TMEM132D: variants seen among roughly 807,000 people sequenced by gnomAD.
The protein encoded by TMEM132D is transmembrane protein 132D, also known as mature OL transmembrane protein.
Under a neutral mutation model 62.3 loss-of-function variants are expected in TMEM132D, and 21 were observed. The observed-to-expected ratio is 0.34, with a 90% CI of 0.24 to 0.49. TMEM132D has a LOEUF of 0.49. TMEM132D is among the 20% of genes least tolerant of loss of function. The pLI is 0.99. For synonymous variants in TMEM132D, 621 were observed against 575.6 expected (o/e 1.08, Z -1.13); for missense variants, 1,346 against 1,402.8 (o/e 0.96, Z 0.65).
At chr12:129,725,575 G>A (rs548622146) in intron 1 of TMEM132D, among the ~76,000 whole-genome samples, 3 of 152,218 alleles carry the variant, frequency 2.0e-5, no homozygotes, top group Non-Finnish European at 2.9e-5. Context: ...ACCTTCATGG[G>A]ACTTACACTG....
rs188224842 is a variant in TMEM132D, at chr12:129,254,521, A to G, written c.1300-44858T>C. 6.6e-5 allele frequency among the ~76,000 whole-genome samples: 10 copies of G among 152,246 alleles called. No homozygotes were observed. The East Asian group carries it at 1.9e-3, about 29-fold the overall frequency. On this transcript the variant is annotated intron_variant, in intron 4 of 8. Transcript: ENST00000422113. ...CCTCTAAGCCTCAGATCCCTCAGTA[A>G]TCAAATGGGGATAAATATGAGTATC...
intron 1 of TMEM132D, among the ~76,000 whole-genome samples, chr12:129,728,555 T>A (rs961345787): frequency 2.0e-5 from 3 of 152,096 alleles, no homozygotes; most frequent in African/African-American, 7.2e-5. Context: ...AGGGCGTGAG[T>A]CTCATTTAGA....
intron 1 of TMEM132D, among the ~76,000 whole-genome samples, chr12:129,765,294 C>T (rs541406655): frequency 1.8e-4 from 27 of 152,122 alleles, no homozygotes; most frequent in South Asian, 4.1e-4. Flanking sequence ...GGGTCAGGTG[C>T]GGTGGCTCAT....
intron 2 of TMEM132D, among the ~76,000 whole-genome samples, chr12:129,660,646 G>A (rs746690430): frequency 2.0e-5 from 3 of 152,094 alleles, no homozygotes; most frequent in Admixed American, 6.5e-5. Flanking sequence ...TAAAAAACGG[G>A]GTGTCAGCAA....
At chr12:129,697,087 G>A (rs908978300) in intron 2 of TMEM132D, among the ~76,000 whole-genome samples, 6 of 152,170 alleles carry the variant, frequency 3.9e-5, no homozygotes, top group Non-Finnish European at 8.8e-5. Context: ...TCACAGGCAC[G>A]CCGCCGGGGA....
chr12:129,654,987 G>A (rs1441254170), intron 2 of TMEM132D, among the ~76,000 whole-genome samples: 5 of 150,414 alleles, frequency 3.3e-5, no homozygotes, highest in Non-Finnish European at 5.9e-5. Context: ...TTGCTCTGTC[G>A]CCCAGGCTGG....
intron 5 of TMEM132D, among the ~76,000 whole-genome samples, chr12:129,124,245 T>G (rs1876148323): frequency 6.6e-6 from 1 of 152,134 alleles, no homozygotes; most frequent in South Asian, 2.1e-4. Context: ...CAGAGCTCTC[T>G]TCATCTAATG....
intron 5 of TMEM132D, among the ~76,000 whole-genome samples, chr12:129,154,268 A>C (rs1221211604): frequency 6.6e-6 from 1 of 152,194 alleles, no homozygotes; most frequent in Non-Finnish European, 1.5e-5. Context: ...ACCAGGTAGC[A>C]GACACAAGAG....
Position 129,074,630 on chromosome 12 carries a change from G to A in TMEM132D, c.2545C>T (p.Leu849Phe), listed in dbSNP as rs142956798. ...GTCGTGGTGCCCCGTCCCTCCATGA[G>A]TCCCATAGAAGAACTGCCATAGTAC... ...GQYYGSSSMG[L>F]MEGRGTTTDR... The change falls in exon 9 of 9, where the codon CTC (leucine) becomes TTC (phenylalanine). Residue 849 changes from leucine (L) to phenylalanine (F), a missense_variant. Leu to Phe is a conservative substitution (Grantham distance 22, BLOSUM62 0). Transcript: ENST00000422113. 1,628 of 1,614,068 alleles carry A rather than the reference G, an allele frequency of 1.0e-3. 1 individual carries two copies. Among genetic ancestry groups the A allele is most frequent in the Non-Finnish European group, 1.3e-3 (1,488 of 1,180,026 alleles).
intron 4 of TMEM132D, among the ~76,000 whole-genome samples, chr12:129,213,100 T>C (rs911741922): frequency 1.3e-5 from 2 of 152,038 alleles, no homozygotes; most frequent in Admixed American, 6.6e-5. Context: ...AAACCAGTTA[T>C]CACAGTGGGC....
At chr12:129,200,445 C>A (rs937130615) in intron 5 of TMEM132D, among the ~76,000 whole-genome samples, 1 of 152,178 alleles carries the variant, frequency 6.6e-6, no homozygotes, top group South Asian at 2.1e-4. Flanking sequence ...CTCTTCCCTG[C>A]AGGTGACACA....
intron 3 of TMEM132D, among the ~76,000 whole-genome samples, chr12:129,354,315 G>GTACA: frequency 6.8e-6 from 1 of 148,032 alleles, no homozygotes; most frequent in African/African-American, 2.5e-5. Context: ...ACTTTATTGG[G>GTACA]TATATATATA....
At chr12:129,900,907 C>CT (rs902566633) in intron 1 of TMEM132D, among the ~76,000 whole-genome samples, 5 of 152,100 alleles carry the variant, frequency 3.3e-5, no homozygotes, top group Admixed American at 1.3e-4. Flanking sequence ...AGCAACAAAA[C>CT]TTTATGTTTA....
chr12:129,493,605 T>C (rs1429157206), intron 3 of TMEM132D, among the ~76,000 whole-genome samples: 1 of 152,212 alleles, frequency 6.6e-6, no homozygotes, highest in Non-Finnish European at 1.5e-5. Flanking sequence ...CATGTATTGA[T>C]TTTTGACACA....
At chr12:129,677,116 C>G (rs1190115217) in intron 2 of TMEM132D, among the ~76,000 whole-genome samples, 1 of 152,160 alleles carries the variant, frequency 6.6e-6, no homozygotes, top group Admixed American at 6.5e-5. Context: ...ACAGTTAATA[C>G]GGTTGGGCTG....
At chr12:129,468,714 G>A (rs188630555) in intron 3 of TMEM132D, among the ~76,000 whole-genome samples, 1 of 152,156 alleles carries the variant, frequency 6.6e-6, no homozygotes, top group African/African-American at 2.4e-5. Flanking sequence ...TCCTCTTTCT[G>A]TCTCTCTACT....
intron 3 of TMEM132D, among the ~76,000 whole-genome samples, chr12:129,474,311 G>T (rs1874195196): frequency 6.6e-6 from 1 of 152,120 alleles, no homozygotes; most frequent in African/African-American, 2.4e-5. Flanking sequence ...CTTGCTCTGG[G>T]CCATGTACAA....
chr12:129,678,882 T>G (rs1880707740), intron 2 of TMEM132D, among the ~76,000 whole-genome samples: 1 of 152,066 alleles, frequency 6.6e-6, no homozygotes, highest in East Asian at 1.9e-4. Context: ...AAATATATTT[T>G]TTCTCACTGA....
At chr12:129,408,896 A>G (rs1871878192) in intron 3 of TMEM132D, among the ~76,000 whole-genome samples, 1 of 151,692 alleles carries the variant, frequency 6.6e-6, no homozygotes, top group Non-Finnish European at 1.5e-5. Flanking sequence ...ACATACAAAG[A>G]GAGAAGTTCT....
Sources: gnomAD v4.1 joint callset for allele counts (sites outside exome capture counted in the v4.1 genomes callset) on GRCh38, gnomAD v4.1.1 for gene constraint, MANE v1.5 for transcripts, NCBI Gene and HGNC (gene_info 2026-07-23, HGNC 2026-07-21) for gene names.